Variants in NDUFAF1 observed in about 807,000 individuals in gnomAD.
NDUFAF1 encodes the protein complex I intermediate-associated protein 30, mitochondrial.
Under a neutral mutation model 28.7 loss-of-function variants are expected in NDUFAF1, and 18 were observed. The observed-to-expected ratio is 0.63, with a 90% confidence interval of 0.43 to 0.93. NDUFAF1 has a LOEUF of 0.93. Among genes scored for constraint, NDUFAF1 ranks in the 40% least tolerant of loss-of-function variants. The pLI, the probability that NDUFAF1 is intolerant of heterozygous loss-of-function variation, is 0.00. For missense variants in NDUFAF1, 404 were observed against 398.3 expected, an observed-to-expected ratio of 1.01 and a Z score of -0.12; for synonymous variants, 113 against 139.7, an observed-to-expected ratio of 0.81 and a Z score of 1.35.
rs2050276736 is a variant in NDUFAF1, at chr15:41,388,425, T to G, written c.834+23A>C. 4 of 1,560,888 alleles carry G rather than the reference T, an allele frequency of 2.6e-6. No individual in the cohort carries two copies. The East Asian group carries it at 9.0e-5, about 35-fold the overall frequency. ...TCATTAAAAATGATACAGTTCTGAG[T>G]GAAAAATACAGGAATATGTTACCTT... On this transcript the variant is annotated intron_variant, in intron 4 of 4. Coordinates refer to ENST00000260361, the MANE Select transcript of NDUFAF1 (RefSeq NM_016013.4).
chr15:41,393,114 T>C (rs536375742), intron 3 of NDUFAF1, among the ~76,000 whole-genome samples: 114 of 150,426 alleles, frequency 7.6e-4, no homozygotes, highest in African/African-American at 2.7e-3. Flanking sequence ...GGGGACTTTC[T>C]TGTTGAGTTT....
In NDUFAF1 at chr15:41,396,469, C is replaced by A; in HGVS notation, c.573+18G>T. On this transcript the variant is annotated intron_variant, in intron 2 of 4. Transcript: ENST00000260361. The stretch of plus-strand genomic sequence containing the variant: ...ACCCCTGTTTACTAGAAAACGATGG[C>A]TCCTGGGCCTCACCTACCCTTGGAA... The A allele has an allele frequency of 6.2e-7, 1 of 1,612,258 alleles. No homozygotes were observed. Among genetic ancestry groups the A allele is most frequent in the Non-Finnish European group, 8.5e-7 (1 of 1,178,374 alleles).
rs531348866 is a variant in NDUFAF1, at chr15:41,396,913, G to A, written c.147C>T (p.Ala49=). ...CCCCTTCAGTCTTCCTCTGTGAGGA[G>A]GCTTTGCCAGGAGAAGCCACTGGTT... The part of the protein sequence containing the change: ...LQKPVASPGK[A]SSQRKTEGDL... Residue 49 remains alanine, a synonymous_variant, in exon 2 of 5, where the codon GCC becomes GCT. Transcript: ENST00000260361. 1.1e-4 allele frequency: 176 copies of A among 1,613,942 alleles called. No homozygotes were observed. The South Asian group carries it at 1.8e-3, about 17-fold the overall frequency.
intron 3 of NDUFAF1, 100 bp from the exon 4 acceptor site, chr15:41,388,622 T>A: frequency 1.3e-6 from 1 of 790,254 alleles, no homozygotes; most frequent in South Asian, 1.4e-5. Flanking sequence ...ATTCTAAAAT[T>A]ATGTCATATA....
At chr15:41,390,848 C>T (rs1029706203) in intron 3 of NDUFAF1, among the ~76,000 whole-genome samples, 24 of 151,906 alleles carry the variant, frequency 1.6e-4, no homozygotes, top group Admixed American at 1.2e-3. Context: ...CTGGCTAACA[C>T]GGTGAAACCC....
At chr15:41,390,523 A>T (rs2050303359) in intron 3 of NDUFAF1, among the ~76,000 whole-genome samples, 1 of 151,920 alleles carries the variant, frequency 6.6e-6, no homozygotes, top group Middle Eastern at 3.2e-3. Flanking sequence ...CAGGAGATCA[A>T]GACCATTCTG....
intron 3 of NDUFAF1, among the ~76,000 whole-genome samples, chr15:41,392,238 A>C (rs1352384120): frequency 1.3e-5 from 2 of 151,732 alleles, no homozygotes; most frequent in African/African-American, 2.4e-5. Flanking sequence ...ACCTGCTGCT[A>C]ATTTTTTGTA....
chr15:41,396,652 C>T lies in NDUFAF1; in HGVS notation c.408G>A (p.Trp136Ter). 3 of 1,614,164 alleles carry T rather than the reference C, an allele frequency of 1.9e-6. No homozygotes were observed. Among genetic ancestry groups the T allele is most frequent in the Non-Finnish European group, 2.5e-6 (3 of 1,180,046 alleles). ...QFRGKEDLDKWTVTSDKTIGG... is the reference protein window; with the variant it reads ...QFRGKEDLDK ...CAATCGTCTTATCAGAAGTCACTGT[C>T]CACTTATCCAAATCTTCTTTCCCCC... The change falls in exon 2 of 5, where the codon TGG becomes TGA. Residue 136 changes from tryptophan (W) to a stop codon, truncating the protein, a stop_gained. Transcript: ENST00000260361. LOFTEE classifies it high-confidence loss of function.
At chr15:41,394,419 CAG>C in intron 3 of NDUFAF1, 1 of 1,281,080 alleles carries the variant, frequency 7.8e-7, no homozygotes, top group South Asian at 1.2e-5. Flanking sequence ...TATTTGGACA[CAG>C]AGCAGAGATG....
intron 3 of NDUFAF1, among the ~76,000 whole-genome samples, chr15:41,392,395 T>C (rs1409453801): frequency 6.6e-6 from 1 of 152,044 alleles, no homozygotes; most frequent in Non-Finnish European, 1.5e-5. Flanking sequence ...CGAATTGTAA[T>C]GGGAAACCAC....
intron 1 of NDUFAF1, among the ~76,000 whole-genome samples, chr15:41,398,023 CAAAAAAAAA>C (rs1217218175): frequency 5.3e-5 from 3 of 56,974 alleles, no homozygotes; most frequent in Non-Finnish European, 1.0e-4. Context: ...GACTCTGTCT[CAAAAAAAAA>C]AAAAAAAAAA....
At chr15:41,396,252 G>C (rs1000435575) in intron 2 of NDUFAF1, among the ~76,000 whole-genome samples, 2 of 151,932 alleles carry the variant, frequency 1.3e-5, no homozygotes, top group Non-Finnish European at 2.9e-5. Flanking sequence ...CTCGTTCCTG[G>C]CCCAAAGCAA....
At chr15:41,394,121 T>G (rs1487876026) in intron 3 of NDUFAF1, 1 of 382,530 alleles carries the variant, frequency 2.6e-6, no homozygotes, top group Non-Finnish European at 5.2e-6. Flanking sequence ...CTCCGCCTCC[T>G]GGGTTCAAGC....
chr15:41,396,242 CTCGT>C (rs1255085015), intron 2 of NDUFAF1, among the ~76,000 whole-genome samples: 1 of 152,128 alleles, frequency 6.6e-6, no homozygotes, highest in Non-Finnish European at 1.5e-5. Flanking sequence ...CATAACAATG[CTCGT>C]TCCTGGCCCA....
In NDUFAF1 at chr15:41,396,915, C is replaced by G. The variant is rs141186910; in HGVS notation, c.145G>C (p.Ala49Pro). The change falls in exon 2 of 5, where the codon GCC becomes CCC. Residue 49 changes from alanine (A) to proline (P), a missense_variant. Physicochemically the swap from Ala to Pro is conservative, Grantham distance 27. Transcript: ENST00000260361. ...CCTTCAGTCTTCCTCTGTGAGGAGG[C>G]TTTGCCAGGAGAAGCCACTGGTTTC... ...LQKPVASPGKASSQRKTEGDL... is the reference protein window; with the variant it reads ...LQKPVASPGKPSSQRKTEGDL... The G allele has an allele frequency of 3.7e-6, 6 of 1,613,850 alleles. No homozygotes were observed. The African/African-American group carries it at 8.0e-5, about 22-fold the overall frequency.
intron 2 of NDUFAF1, among the ~76,000 whole-genome samples, chr15:41,395,356 T>C (rs2050370741): frequency 2.0e-5 from 3 of 149,266 alleles, no homozygotes; most frequent in Admixed American, 1.3e-4. Flanking sequence ...GACTTTTTCT[T>C]TTCTTTTCTT....
intron 3 of NDUFAF1, among the ~76,000 whole-genome samples, chr15:41,393,315 T>G (rs2050338648): frequency 6.9e-6 from 1 of 145,964 alleles, no homozygotes; most frequent in African/African-American, 2.5e-5. Context: ...TTTTTTTTTT[T>G]TGAGACGAAG....
intron 1 of NDUFAF1, among the ~76,000 whole-genome samples, chr15:41,401,662 G>A (rs1358607462): frequency 6.6e-6 from 1 of 151,756 alleles, no homozygotes. Context: ...CTGACCTCAA[G>A]TGATCCGCCC....
In NDUFAF1 at chr15:41,387,392, A is replaced by T. The variant is rs1406670634; in HGVS notation, c.*52T>A. ...AGAAATATTTTATTTTGTCTATATC[A>T]TTGTAGATGCTAGTACCCTTAGATT... On this transcript the variant is annotated 3_prime_UTR_variant, in exon 5 of 5. Coordinates refer to ENST00000260361, the MANE Select transcript of NDUFAF1 (RefSeq NM_016013.4). 6.6e-7 allele frequency: 1 copy of T among 1,517,674 alleles called. No homozygotes were observed. Among genetic ancestry groups the T allele is most frequent in the Non-Finnish European group, 9.2e-7 (1 of 1,092,750 alleles). 94.0% of individuals were successfully genotyped at this position (1,517,674 alleles called of 1,614,324 possible).
Sources: allele counts gnomAD v4.1 joint callset (sites outside exome capture counted in the v4.1 genomes callset), GRCh38; gene constraint gnomAD v4.1.1; transcripts MANE v1.5; gene names NCBI Gene and HGNC (gene_info 2026-07-23, HGNC 2026-07-21).